The following TSNARE1 variants were observed in gnomAD, a reference collection of about 807,000 sequenced individuals.
TSNARE1 encodes the protein t-SNARE domain-containing protein 1.
TSNARE1 carries 49 observed loss-of-function variants against 62.0 expected under a neutral mutation model. The observed-to-expected ratio is 0.79, with a 90% CI of 0.63 to 1.00. TSNARE1 has a LOEUF of 1.00. Ranked by LOEUF, TSNARE1 falls within the 50% of genes least tolerant of loss-of-function variation. The pLI is 0.00. For missense variants in TSNARE1, 755 were observed against 700.1 expected (o/e 1.08, Z -0.88); for synonymous variants, 328 against 294.4 (o/e 1.11, Z -1.17).
At chr8:142,270,228 C>G (rs376706465) in intron 12 of TSNARE1, 1 of 985,136 alleles carries the variant, frequency 1.0e-6, no homozygotes, top group Admixed American at 6.2e-5. Context: ...CAAGGGATCT[C>G]CCAAGAGTCA....
chr8:142,248,842 T>C (rs1818016414), intron 12 of TSNARE1, among the ~76,000 whole-genome samples: 1 of 152,200 alleles, frequency 6.6e-6, no homozygotes, highest in African/African-American at 2.4e-5. Context: ...TGCAGGCTCC[T>C]GCCAGTCACG....
chr8:142,224,212 G>C (rs367659872), intron 13 of TSNARE1, among the ~76,000 whole-genome samples: 42 of 152,344 alleles, frequency 2.8e-4, no homozygotes, highest in African/African-American at 9.9e-4. Context: ...GTGGCTGGTG[G>C]GAAAAGGGGA....
intron 1 of TSNARE1, among the ~76,000 whole-genome samples, chr8:142,389,146 T>C (rs942340979): frequency 1.3e-5 from 2 of 152,102 alleles, no homozygotes; most frequent in African/African-American, 2.4e-5. Context: ...GAATTCACAA[T>C]GAGAAAAGGA....
At chr8:142,237,825 G>A (rs1348667545) in intron 12 of TSNARE1, among the ~76,000 whole-genome samples, 1 of 152,176 alleles carries the variant, frequency 6.6e-6, no homozygotes, top group Non-Finnish European at 1.5e-5. Flanking sequence ...TGCTTGCAGT[G>A]GCTGCTCGTG....
chr8:142,283,650 C>T lies in TSNARE1; in HGVS notation c.1363+763G>A, dbSNP rs527781929. Among the ~76,000 whole-genome samples the T allele has an allele frequency of 2.0e-5, 3 of 146,450 alleles. No homozygotes were observed. In the East Asian group the frequency reaches 6.3e-4, roughly 31 times the overall value. Reference sequence around the variant, plus strand: ...ACAGTGTCAATGAACAGAGGCAGGGCCAGTGTCTGTCAATGAGCGGAGGTG... The same window carrying T: ...ACAGTGTCAATGAACAGAGGCAGGGTCAGTGTCTGTCAATGAGCGGAGGTG... On this transcript the variant is annotated intron_variant, in intron 11 of 13. Transcript: ENST00000524325.
At chr8:142,264,157 T>G (rs1489695240) in intron 12 of TSNARE1, among the ~76,000 whole-genome samples, 1 of 152,256 alleles carries the variant, frequency 6.6e-6, no homozygotes, top group African/African-American at 2.4e-5. Context: ...ATTAACTTCA[T>G]ATCCCTTAAT....
At chr8:142,320,466 C>T (rs1479849897) in intron 6 of TSNARE1, among the ~76,000 whole-genome samples, 3 of 150,034 alleles carry the variant, frequency 2.0e-5, no homozygotes, top group African/African-American at 7.4e-5. Context: ...GCACCTCCGA[C>T]CACTTCCCCA....
At chr8:142,381,538 G>A (rs1836749433) in intron 1 of TSNARE1, among the ~76,000 whole-genome samples, 1 of 152,188 alleles carries the variant, frequency 6.6e-6, no homozygotes, top group Admixed American at 6.5e-5. Context: ...ACAGGCAGGA[G>A]TGTGTCTTGG....
In TSNARE1 at chr8:142,314,443, G is replaced by C. The variant is rs1828189611; in HGVS notation, c.1075-3C>G. 1.2e-6 allele frequency: 2 copies of C among 1,613,592 alleles called. No individual in the cohort carries two copies. The highest frequency in any genetic ancestry group is 1.7e-6 in the Non-Finnish European group (2 of 1,179,764). ...GCTCTGGACTTTTCTGCAATTTTCT[G>C]TTGAAAAAAGGACAAGAGAAGAAAG... is the stretch of plus-strand genomic sequence containing the variant. On this transcript the variant is annotated splice_region_variant and splice_polypyrimidine_tract_variant and intron_variant, in intron 8 of 13. Coordinates refer to ENST00000524325, the MANE Select transcript of TSNARE1 (RefSeq NM_145003.5).
chr8:142,295,509 G>A lies in TSNARE1; in HGVS notation c.1290+4977C>T, dbSNP rs955668677. 2.6e-5 allele frequency among the ~76,000 whole-genome samples: 4 copies of A among 152,344 alleles called. No homozygotes were observed. The South Asian group carries it at 8.3e-4, about 32-fold the overall frequency. On this transcript the variant is annotated intron_variant, in intron 10 of 13. Transcript: ENST00000524325. ...GCGGAGAGTCCCAGCACCATGGAGAGGGCCAGGGCCCCATGCAGGCCAAAG... is the reference window on the plus strand; with the variant it reads ...GCGGAGAGTCCCAGCACCATGGAGAAGGCCAGGGCCCCATGCAGGCCAAAG...
chr8:142,256,367 TCATCAC>T (rs1563782807), intron 12 of TSNARE1, among the ~76,000 whole-genome samples: 1 of 113,124 alleles, frequency 8.8e-6, no homozygotes, highest in Non-Finnish European at 1.9e-5. Context: ...ATCACCACCA[TCATCAC>T]CACCATCATC....
intron 8 of TSNARE1, 136 bp downstream of exon 8, chr8:142,314,867 G>T: frequency 1.2e-6 from 1 of 821,778 alleles, no homozygotes; most frequent in Non-Finnish European, 2.0e-6. Context: ...CTGTCTGCAA[G>T]AACAACCCTC....
chr8:142,282,525 G>A (rs1221889295), intron 11 of TSNARE1, among the ~76,000 whole-genome samples: 1 of 151,510 alleles, frequency 6.6e-6, no homozygotes, highest in African/African-American at 2.4e-5. Context: ...GCAGAGGCGG[G>A]GTCAGTGTCT....
chr8:142,265,404 G>A (rs72687344), intron 12 of TSNARE1, among the ~76,000 whole-genome samples: 24,984 of 152,120 alleles, frequency 0.16, 2,447 homozygotes, highest in Middle Eastern at 0.26. Flanking sequence ...CTTAAGAACC[G>A]TCTGAGTTGC....
rs192169667 is a variant in TSNARE1 at position 142,388,988 on chromosome 8, C to G, written c.-40+14116G>C. On this transcript the variant is annotated intron_variant, in intron 1 of 13. Transcript: ENST00000524325. ...ATAAAATTTCTGAGGATAAAGAACA[C>G]CTGACTCAAAACATACCACAAAGCT... Among the ~76,000 whole-genome samples the G allele has an allele frequency of 7.9e-4, 120 of 152,312 alleles. 1 individual carries two copies. Among genetic ancestry groups the G allele is most frequent in the African/African-American group, 2.7e-3 (111 of 41,566 alleles).
At chr8:142,222,283 C>A (rs111215811) in intron 13 of TSNARE1, among the ~76,000 whole-genome samples, 395 of 22,924 alleles carry the variant, frequency 0.017, 59 homozygotes, top group African/African-American at 0.037. Context: ...CTCATCCACT[C>A]ATTCACTCTC....
At chr8:142,217,285 A>C (rs1815886581) in intron 13 of TSNARE1, among the ~76,000 whole-genome samples, 1 of 141,436 alleles carries the variant, frequency 7.1e-6, no homozygotes, top group Non-Finnish European at 1.5e-5. Flanking sequence ...TAAAATAAAA[A>C]GAAGAAAGAA....
chr8:142,362,739 C>T (rs1047450338), intron 1 of TSNARE1, among the ~76,000 whole-genome samples: 41 of 152,194 alleles, frequency 2.7e-4, no homozygotes, highest in Non-Finnish European at 5.3e-4. Flanking sequence ...ACATTCACAC[C>T]ACAGCACAGT....
intron 10 of TSNARE1, among the ~76,000 whole-genome samples, chr8:142,285,553 G>A (rs1264151301): frequency 2.0e-5 from 3 of 150,896 alleles, no homozygotes; most frequent in Admixed American, 6.6e-5. Context: ...ATGATGGGGG[G>A]ATAGATGAGT....
Sources: gnomAD v4.1 joint callset for allele counts (sites outside exome capture counted in the v4.1 genomes callset) on GRCh38, gnomAD v4.1.1 for gene constraint, MANE v1.5 for transcripts, NCBI Gene and HGNC (gene_info 2026-07-23, HGNC 2026-07-21) for gene names.